PABPC1: variants seen among roughly 807,000 people sequenced by gnomAD.
The protein encoded by PABPC1 is polyadenylate-binding protein 1.
A neutral mutation model predicts 74.0 loss-of-function variants in PABPC1; 4 were observed. That is an observed-to-expected ratio of 0.05 (90% confidence interval 0.03 to 0.12). The LOEUF is 0.12. Ranked by LOEUF, PABPC1 falls within the 10% of genes least tolerant of loss-of-function variation. The pLI is 1.00. For synonymous variants in PABPC1, 227 were observed against 264.1 expected, an observed-to-expected ratio of 0.86 and a Z score of 1.36; for missense variants, 271 against 821.1, an observed-to-expected ratio of 0.33 and a Z score of 8.19.
chr8:100,716,332 C>G (rs1020109424), intron 3 of PABPC1, among the ~76,000 whole-genome samples: 6 of 152,114 alleles, frequency 3.9e-5, no homozygotes, highest in Non-Finnish European at 2.9e-5. Flanking sequence ...ACCCGGGAGG[C>G]AGAGGTGGCA....
intron 1 of PABPC1, 84 bp from the exon 2 acceptor site, chr8:100,718,364 G>A: frequency 2.8e-6 from 3 of 1,074,846 alleles, no homozygotes; most frequent in Non-Finnish European, 4.1e-6. Flanking sequence ...GGTGACTGGA[G>A]TGGGAGGACA....
At chr8:100,720,531 G>T (rs1028001100) in intron 1 of PABPC1, among the ~76,000 whole-genome samples, 4 of 152,118 alleles carry the variant, frequency 2.6e-5, no homozygotes, top group African/African-American at 9.7e-5. Flanking sequence ...ATAAAGAAAA[G>T]CCCCTCAAAA....
At chr8:100,707,649 G>A (rs1810416427) in intron 9 of PABPC1, among the ~76,000 whole-genome samples, 1 of 152,234 alleles carries the variant, frequency 6.6e-6, no homozygotes, top group African/African-American at 2.4e-5. Flanking sequence ...CTAGGAGCGT[G>A]ACCACTGAAG....
In PABPC1 at chr8:100,719,433, G is replaced by C. The variant is rs117249354; in HGVS notation, c.194-1153C>G. 2.8e-3 allele frequency among the ~76,000 whole-genome samples: 418 copies of C among 147,302 alleles called. 9 individuals are homozygous for C. In the East Asian group the frequency reaches 0.051, roughly 18 times the overall value. ...GACTTTGCTTGAGCTATTTTTCAAT[G>C]AGTCACCTCTTCCTATGAAATTGAA... On this transcript the variant is annotated intron_variant, in intron 1 of 14. Coordinates refer to ENST00000318607, the MANE Select transcript of PABPC1 (RefSeq NM_002568.4).
intron 1 of PABPC1, 89 bp from the exon 2 acceptor site, chr8:100,718,369 A>G (rs754934276): frequency 4.5e-5 from 46 of 1,026,184 alleles, no homozygotes; most frequent in Non-Finnish European, 6.3e-5. Flanking sequence ...CTGGAGTGGG[A>G]GGACACATGG....
chr8:100,712,076 A>T (rs1810541180), intron 7 of PABPC1, among the ~76,000 whole-genome samples: 1 of 152,256 alleles, frequency 6.6e-6, no homozygotes, highest in African/African-American at 2.4e-5. Context: ...GAACTATAGT[A>T]ACAATTATAA....
intron 11 of PABPC1, among the ~76,000 whole-genome samples, chr8:100,705,935 G>A (rs1019119689): frequency 2.7e-4 from 41 of 152,146 alleles, no homozygotes; most frequent in Admixed American, 7.9e-4. Context: ...TGCAACCTCC[G>A]CCTCCGGATT....
intron 6 of PABPC1, 80 bp from the exon 7 acceptor site, chr8:100,712,537 T>A: frequency 6.8e-7 from 1 of 1,462,086 alleles, no homozygotes; most frequent in Non-Finnish European, 9.4e-7. Context: ...TTTTACCCCA[T>A]ATTTCTTCTC....
rs1810601235 is a variant in PABPC1 at position 100,714,101 on chromosome 8, T to C, written c.644-920A>G. 2.6e-5 allele frequency among the ~76,000 whole-genome samples: 4 copies of C among 152,180 alleles called. No homozygotes were observed. In the South Asian group the frequency reaches 8.3e-4, roughly 31 times the overall value. On this transcript the variant is annotated intron_variant, in intron 4 of 14. Coordinates refer to ENST00000318607, the MANE Select transcript of PABPC1 (RefSeq NM_002568.4). ...AAAATCACATTTGATTACAGAAATT[T>C]AGAAGATGTATGGGCCAAGGCAGAT...
chr8:100,712,820 A>AAG (rs397967030), intron 5 of PABPC1, 31 bp from the exon 6 acceptor site: 18 of 1,551,560 alleles, frequency 1.2e-5, no homozygotes, highest in Middle Eastern at 3.5e-4. Context: ...AAAAAAAAAA[A>AAG]TCACAAAACT....
rs538226128 is a variant in PABPC1, at chr8:100,721,673, G to T, written c.-90C>A. ...CGGGGCTGGGGGCCGGAGCCGGGGG[G>T]AGGGGAGCGGGGAGCAAGCGCAGAG... is the stretch of plus-strand genomic sequence containing the variant. On this transcript the variant is annotated 5_prime_UTR_variant, in exon 1 of 15. Coordinates refer to ENST00000318607, the MANE Select transcript of PABPC1 (RefSeq NM_002568.4). The surrounding 1 kb of genome is among the most constrained non-coding windows in gnomAD (Gnocchi z 7.4). The T allele has an allele frequency of 2.6e-5, 27 of 1,027,198 alleles. No individual in the cohort carries two copies. The highest frequency in any genetic ancestry group is 2.5e-4 in the African/African-American group (15 of 60,070). 63.6% of individuals were successfully genotyped at this position (1,027,198 alleles called of 1,614,324 possible).
At chr8:100,704,244 A>C (rs1028299361) in intron 14 of PABPC1, 53 bp downstream of exon 14, 22 of 1,351,642 alleles carry the variant, frequency 1.6e-5, no homozygotes, top group African/African-American at 2.9e-5. Flanking sequence ...AACAAACTTT[A>C]TAAAAGATGA....
At chr8:100,716,504 C>T (rs1810674227) in intron 3 of PABPC1, among the ~76,000 whole-genome samples, 3 of 152,194 alleles carry the variant, frequency 2.0e-5, no homozygotes, top group Non-Finnish European at 4.4e-5. Context: ...CTTACATAAT[C>T]TCACCCTAGT....
chr8:100,720,336 C>A (rs970370545), intron 1 of PABPC1, among the ~76,000 whole-genome samples: 9 of 152,110 alleles, frequency 5.9e-5, no homozygotes, highest in African/African-American at 2.2e-4. Flanking sequence ...CTGCATTTCC[C>A]CCATAAATTT....
At chr8:100,713,387 A>G (rs1351657572) in intron 4 of PABPC1, among the ~76,000 whole-genome samples, 1 of 152,198 alleles carries the variant, frequency 6.6e-6, no homozygotes, top group Non-Finnish European at 1.5e-5. Flanking sequence ...CCTCCCCTGA[A>G]GGATTCCTCC....
chr8:100,715,638 A>G, intron 3 of PABPC1, 37 bp from the exon 4 acceptor site: 2 of 1,480,490 alleles, frequency 1.4e-6, no homozygotes, highest in Non-Finnish European at 1.8e-6. Flanking sequence ...ATTAGATTCT[A>G]TTTTATAAAG....
At chr8:100,707,333 A>C in intron 9 of PABPC1, 1 of 280,988 alleles carries the variant, frequency 3.6e-6, no homozygotes, top group Non-Finnish European at 6.9e-6. Context: ...CACTACCACC[A>C]AGACGCGGAG....
intron 9 of PABPC1, chr8:100,707,292 TAAA>T (rs113383922): frequency 8.2e-6 from 2 of 244,782 alleles, no homozygotes; most frequent in Admixed American, 5.4e-5. Context: ...CACAGAGATT[TAAA>T]AAAAAAAGAC....
rs776728552 is a variant in PABPC1 at position 100,712,464 on chromosome 8, A to T, written c.877-7T>A. Reference sequence around the variant, plus strand: ...TCACATAAAGATTAACACCCTAAAAAGAAGAAAAGAAAACTATAGAAAAAG... The same window carrying T: ...TCACATAAAGATTAACACCCTAAAATGAAGAAAAGAAAACTATAGAAAAAG... On this transcript the variant is annotated splice_polypyrimidine_tract_variant and splice_region_variant and intron_variant, in intron 6 of 14. Transcript: ENST00000318607. 7.5e-7 allele frequency: 1 copy of T among 1,330,890 alleles called. No individual in the cohort carries two copies. The highest frequency in any genetic ancestry group is 2.4e-5 in the East Asian group (1 of 41,748). 82.4% of individuals were successfully genotyped at this position (1,330,890 alleles called of 1,614,324 possible). A position where few individuals can be genotyped will look rare whatever the true frequency, so the allele number is the denominator to read the frequency against.
Sources: gnomAD v4.1 joint callset for allele counts (sites outside exome capture counted in the v4.1 genomes callset) on GRCh38, gnomAD v4.1.1 for gene constraint, Gnocchi (gnomAD v3.1) non-coding constraint, MANE v1.5 for transcripts, NCBI Gene and HGNC (gene_info 2026-07-23, HGNC 2026-07-21) for gene names.